Variants in LDLRAD4 observed in about 807,000 individuals in gnomAD.
LDLRAD4 encodes low density lipoprotein receptor class A domain containing 4, also known as low-density lipoprotein receptor class A domain-containing protein 4.
A neutral mutation model predicts 17.0 loss-of-function variants in LDLRAD4; 5 were observed. That is an observed-to-expected ratio of 0.29 (90% confidence interval 0.15 to 0.62). LDLRAD4 has a LOEUF of 0.62. Among genes scored for constraint, LDLRAD4 ranks in the 20% least tolerant of loss-of-function variants. LDLRAD4 has a pLI of 0.84. For missense variants in LDLRAD4, 340 were observed against 424.7 expected, an observed-to-expected ratio of 0.80 and a Z score of 1.75; for synonymous variants, 168 against 171.8, an observed-to-expected ratio of 0.98 and a Z score of 0.17.
At chr18:13,347,402 C>A (rs956161491) in intron 1 of LDLRAD4, among the ~76,000 whole-genome samples, 3 of 152,188 alleles carry the variant, frequency 2.0e-5, no homozygotes, top group Non-Finnish European at 4.4e-5. Flanking sequence ...TATTGGCTCC[C>A]ACTCTCTTCT....
chr18:13,545,938 C>T (rs1273571961), intron 3 of LDLRAD4, among the ~76,000 whole-genome samples: 1 of 152,136 alleles, frequency 6.6e-6, no homozygotes, highest in Non-Finnish European at 1.5e-5. Context: ...AATCCTAAGC[C>T]AAGAGGGAGT....
exon 6 of LDLRAD4, chr18:13,652,686 T>TA (rs1284332884): frequency 2.0e-5 from 3 of 152,634 alleles, no homozygotes; most frequent in African/African-American, 7.2e-5. Context: ...GAAATCAGAT[T>TA]TTTCTGCTTG....
intron 1 of LDLRAD4, among the ~76,000 whole-genome samples, chr18:13,340,196 T>A (rs1318142371): frequency 6.6e-6 from 1 of 152,226 alleles, no homozygotes; most frequent in Non-Finnish European, 1.5e-5. Flanking sequence ...TGTTTTCACC[T>A]TTGGGCTACT....
At chr18:13,375,229 C>T (rs1453113159) in intron 1 of LDLRAD4, among the ~76,000 whole-genome samples, 7 of 152,032 alleles carry the variant, frequency 4.6e-5, no homozygotes, top group African/African-American at 7.2e-5. Context: ...GAGGAGAGGC[C>T]GGTGGAAAAG....
chr18:13,575,430 T>C (rs2094754727), intron 3 of LDLRAD4, among the ~76,000 whole-genome samples: 1 of 152,254 alleles, frequency 6.6e-6, no homozygotes, highest in African/African-American at 2.4e-5. Flanking sequence ...TAGTATTCCA[T>C]GGTGTATATA....
At chr18:13,357,352 C>A (rs1024594149) in intron 1 of LDLRAD4, among the ~76,000 whole-genome samples, 1 of 151,686 alleles carries the variant, frequency 6.6e-6, no homozygotes, top group Non-Finnish European at 1.5e-5. Context: ...GTATTACAGG[C>A]ATGAGCCCCC....
At chr18:13,437,060 G>T (rs2090713231) in intron 2 of LDLRAD4, among the ~76,000 whole-genome samples, 1 of 152,260 alleles carries the variant, frequency 6.6e-6, no homozygotes, top group Non-Finnish European at 1.5e-5. Flanking sequence ...CTCTCATGGG[G>T]TAGCCCCACA....
At chr18:13,550,134 A>C (rs1405256037) in intron 3 of LDLRAD4, among the ~76,000 whole-genome samples, 1 of 152,180 alleles carries the variant, frequency 6.6e-6, no homozygotes, top group Non-Finnish European at 1.5e-5. Flanking sequence ...TACTTAACAT[A>C]AGACTTGAAA....
chr18:13,261,482 A>G (rs2043811689), intron 1 of LDLRAD4, among the ~76,000 whole-genome samples: 1 of 152,186 alleles, frequency 6.6e-6, no homozygotes, highest in Non-Finnish European at 1.5e-5. Context: ...ATCCCAGTTT[A>G]GTTCAAGTTG....
chr18:13,642,576 A>C, intron 4 of LDLRAD4: 1 of 1,228,622 alleles, frequency 8.1e-7, no homozygotes, highest in African/African-American at 1.6e-5. Flanking sequence ...GAGGATCCTG[A>C]GCCCAGGCTC....
chr18:13,232,656 C>G (rs1259548427), intron 1 of LDLRAD4, among the ~76,000 whole-genome samples: 1 of 152,216 alleles, frequency 6.6e-6, no homozygotes, highest in African/African-American at 2.4e-5. Flanking sequence ...TTGTCTGCAG[C>G]TCTGACTCTT....
At chr18:13,559,364 C>T (rs1275426686) in intron 3 of LDLRAD4, among the ~76,000 whole-genome samples, 2 of 152,086 alleles carry the variant, frequency 1.3e-5, no homozygotes, top group Non-Finnish European at 2.9e-5. Context: ...CTTGAAATGG[C>T]ATTCATGGAA....
At chr18:13,457,108 C>T (rs1307741153) in intron 3 of LDLRAD4, among the ~76,000 whole-genome samples, 1 of 152,252 alleles carries the variant, frequency 6.6e-6, no homozygotes, top group Non-Finnish European at 1.5e-5. Context: ...GCCGGGGGGT[C>T]AGTCCCCAAG....
chr18:13,639,793 A>G (rs2042370499), intron 4 of LDLRAD4, among the ~76,000 whole-genome samples: 1 of 152,234 alleles, frequency 6.6e-6, no homozygotes, highest in African/African-American at 2.4e-5. Context: ...ATTGTCAGTA[A>G]ATAGTTAAAT....
chr18:13,218,136 G>A (rs1214354812), upstream of LDLRAD4: 1 of 152,276 alleles, frequency 6.6e-6, no homozygotes, highest in East Asian at 1.9e-4. Flanking sequence ...CGGGGCTTCT[G>A]GCCCAAGTTC....
At chr18:13,322,160 C>A (rs1448019247) in intron 1 of LDLRAD4, among the ~76,000 whole-genome samples, 2 of 151,552 alleles carry the variant, frequency 1.3e-5, no homozygotes, top group Admixed American at 6.6e-5. Context: ...AAAATTACTT[C>A]TTTGTGAAAA....
intron 1 of LDLRAD4, among the ~76,000 whole-genome samples, chr18:13,377,169 CTT>C (rs1382035775): frequency 6.6e-6 from 1 of 152,238 alleles, no homozygotes; most frequent in East Asian, 1.9e-4. Flanking sequence ...CTGTCACACT[CTT>C]GGGTCTGCTC....
chr18:13,227,116 G>C (rs576301012), intron 1 of LDLRAD4, among the ~76,000 whole-genome samples: 3 of 152,134 alleles, frequency 2.0e-5, no homozygotes, highest in African/African-American at 7.2e-5. Flanking sequence ...TTCTTGTGTC[G>C]TCTGTGGAGG....
intron 3 of LDLRAD4, among the ~76,000 whole-genome samples, chr18:13,571,496 G>A (rs1277068642): frequency 2.0e-5 from 3 of 152,214 alleles, no homozygotes; most frequent in Admixed American, 6.5e-5. Flanking sequence ...GAAGACCTGG[G>A]CTCATCCCCA....
Sources: allele counts gnomAD v4.1 joint callset (sites outside exome capture counted in the v4.1 genomes callset), GRCh38; gene constraint gnomAD v4.1.1; transcripts MANE v1.5; gene names NCBI Gene and HGNC (gene_info 2026-07-23, HGNC 2026-07-21).